The following GALNT13 variants were observed in gnomAD, a reference collection of about 807,000 sequenced individuals.
GALNT13 encodes UDP-GalNAc:polypeptide N-acetylgalactosaminyltransferase 13.
Under a neutral mutation model 64.2 loss-of-function variants are expected in GALNT13, and 28 were observed. The ratio of observed to expected loss-of-function variants is 0.44; its 90% confidence interval spans 0.32 to 0.60. The LOEUF is 0.60. Among genes scored for constraint, GALNT13 ranks in the 20% least tolerant of loss-of-function variants. The pLI is 0.05. For missense variants in GALNT13, 577 were observed against 669.8 expected, an observed-to-expected ratio of 0.86 and a Z score of 1.53; for synonymous variants, 214 against 224.6, an observed-to-expected ratio of 0.95 and a Z score of 0.42.
chr2:153,877,552 CCT>C (rs1686467578), intron 1 of GALNT13, among the ~76,000 whole-genome samples: 1 of 152,052 alleles, frequency 6.6e-6, no homozygotes, highest in Non-Finnish European at 1.5e-5. Context: ...AAGCAAAGCA[CCT>C]CTTTTTTGTT....
At chr2:153,639,184 G>A in the GALNT13 span, among the ~76,000 whole-genome samples, 363 of 149,672 alleles carry the variant, frequency 2.4e-3, 2 homozygotes, top group Non-Finnish European at 1.7e-3. Flanking sequence ...GAAGAGAGAA[G>A]GAAAGGCATG....
chr2:153,823,769 G>A, the GALNT13 span, among the ~76,000 whole-genome samples: 1 of 152,046 alleles, frequency 6.6e-6, no homozygotes, highest in African/African-American at 2.4e-5. Flanking sequence ...TTGACAAGTG[G>A]GATCTAATTA....
chr2:153,109,364 C>A, the GALNT13 span, among the ~76,000 whole-genome samples: 3 of 152,072 alleles, frequency 2.0e-5, no homozygotes, highest in Non-Finnish European at 4.4e-5. Context: ...ATTTGCTGGA[C>A]ATGTTGAAAG....
At chr2:154,313,275 C>G (rs1694146998) in intron 9 of GALNT13, among the ~76,000 whole-genome samples, 1 of 146,598 alleles carries the variant, frequency 6.8e-6, no homozygotes, top group Non-Finnish European at 1.5e-5. Flanking sequence ...CACACTAGAA[C>G]TTAAGTTCTA....
At chr2:154,223,209 T>C (rs1362114340) in intron 4 of GALNT13, among the ~76,000 whole-genome samples, 1 of 152,054 alleles carries the variant, frequency 6.6e-6, no homozygotes, top group Non-Finnish European at 1.5e-5. Context: ...ATTCAATTTA[T>C]TTTTCAGCCC....
At chr2:153,096,121 C>A in the GALNT13 span, among the ~76,000 whole-genome samples, 4 of 151,912 alleles carry the variant, frequency 2.6e-5, no homozygotes, top group East Asian at 7.7e-4. Flanking sequence ...CTTCATTGAC[C>A]CATTGGTCTT....
chr2:154,051,480 C>T (rs964351985), intron 3 of GALNT13, among the ~76,000 whole-genome samples: 2 of 150,634 alleles, frequency 1.3e-5, no homozygotes, highest in African/African-American at 4.9e-5. Context: ...TTAGTAGAGA[C>T]GGGGTTTCAC....
the GALNT13 span, among the ~76,000 whole-genome samples, chr2:153,464,008 C>T: frequency 3.9e-5 from 6 of 152,126 alleles, no homozygotes; most frequent in East Asian, 1.9e-4. Context: ...GTAGACTAGA[C>T]AAACAAGTGG....
upstream of GALNT13, among the ~76,000 whole-genome samples, chr2:153,869,151 TTATTA>T (rs1156383464): frequency 6.6e-6 from 1 of 152,130 alleles, no homozygotes; most frequent in Non-Finnish European, 1.5e-5. Flanking sequence ...GCAAAATATT[TTATTA>T]TATTTTTTAA....
At chr2:154,272,289 C>T (rs1264542127) in intron 8 of GALNT13, among the ~76,000 whole-genome samples, 3 of 151,956 alleles carry the variant, frequency 2.0e-5, no homozygotes, top group African/African-American at 7.2e-5. Context: ...TATTCTTTAA[C>T]AGATACAAGG....
the GALNT13 span, chr2:153,478,890 G>A: frequency 6.1e-6 from 2 of 327,282 alleles, no homozygotes; most frequent in Non-Finnish European, 1.1e-5. Context: ...GCAGCGGCGG[G>A]GTGGCTGCGC....
chr2:154,372,349 G>A (rs946926419), intron 9 of GALNT13, among the ~76,000 whole-genome samples: 1 of 133,788 alleles, frequency 7.5e-6, no homozygotes, highest in Non-Finnish European at 1.7e-5. Flanking sequence ...CTAATCCCCA[G>A]ATGTACTGAT....
At chr2:154,011,224 G>GCGATTAGTGCTATAAA (rs147554714) in intron 3 of GALNT13, among the ~76,000 whole-genome samples, 1 of 151,880 alleles carries the variant, frequency 6.6e-6, no homozygotes, top group Non-Finnish European at 1.5e-5. Flanking sequence ...TTGTGATGTA[G>GCGATTAGTGCTATAAA]CTTTCTTCTT....
chr2:153,850,738 G>A, the GALNT13 span, among the ~76,000 whole-genome samples: 1 of 152,176 alleles, frequency 6.6e-6, no homozygotes, highest in Non-Finnish European at 1.5e-5. Flanking sequence ...AGAGATGGAA[G>A]CTAAAAGTTC....
chr2:153,360,738 G>A, the GALNT13 span, among the ~76,000 whole-genome samples: 1 of 152,296 alleles, frequency 6.6e-6, no homozygotes, highest in Middle Eastern at 3.4e-3. Context: ...TGAGCCCCTA[G>A]GGGGAGGGGT....
the GALNT13 span, among the ~76,000 whole-genome samples, chr2:153,793,310 A>C: frequency 6.6e-6 from 1 of 152,236 alleles, no homozygotes; most frequent in East Asian, 1.9e-4. Context: ...GCTTTAAAAA[A>C]AATACAGGTT....
the GALNT13 span, among the ~76,000 whole-genome samples, chr2:153,615,462 T>C: frequency 6.6e-6 from 1 of 152,094 alleles, no homozygotes; most frequent in Non-Finnish European, 1.5e-5. Context: ...CTGCTCTCTA[T>C]AGAAGTTATA....
At chr2:153,128,038 A>G in the GALNT13 span, among the ~76,000 whole-genome samples, 614 of 152,314 alleles carry the variant, frequency 4.0e-3, 6 homozygotes, top group African/African-American at 0.014. Context: ...TGACTTGCCC[A>G]AAGTCAACAG....
chr2:154,094,616 T>A (rs552233893), intron 3 of GALNT13, among the ~76,000 whole-genome samples: 1 of 152,164 alleles, frequency 6.6e-6, no homozygotes, highest in South Asian at 2.1e-4. Context: ...CTCCTCTTTT[T>A]CTATTTTTGT....
Sources: allele counts gnomAD v4.1 joint callset (sites outside exome capture counted in the v4.1 genomes callset), GRCh38; gene constraint gnomAD v4.1.1; transcripts MANE v1.5; gene names NCBI Gene and HGNC (gene_info 2026-07-23, HGNC 2026-07-21).